Variants in LIMA1 observed in about 807,000 individuals in gnomAD.
LIMA1 encodes LIM domain and actin binding 1, also known as LIM domain and actin-binding protein 1.
LIMA1 carries 52 observed loss-of-function variants against 62.6 expected under a neutral mutation model. The ratio of observed to expected loss-of-function variants is 0.83; its 90% CI spans 0.67 to 1.05. LIMA1 has a LOEUF of 1.05. Ranked by LOEUF, LIMA1 falls within the 50% of genes least tolerant of loss-of-function variation. The pLI is 0.00. For synonymous variants in LIMA1, 302 were observed against 317.8 expected, an observed-to-expected ratio of 0.95 and a Z score of 0.53; for missense variants, 780 against 902.2, an observed-to-expected ratio of 0.86 and a Z score of 1.74.
rs767347217 is a variant in LIMA1, at chr12:50,231,657, A to G, written c.165+8T>C. 1.6e-5 allele frequency: 26 copies of G among 1,613,680 alleles called. No individual in the cohort carries two copies. The highest frequency in any genetic ancestry group is 2.2e-5 in the East Asian group (1 of 44,898). On this transcript the variant is annotated splice_region_variant and intron_variant, in intron 3 of 10. Coordinates refer to ENST00000341247, the MANE Select transcript of LIMA1 (RefSeq NM_016357.5). ...GTGCCACATGCCCTGGAATTTCTGA[A>G]TACTTACACTTCTCTTCTTCTCCAT...
chr12:50,204,533 A>C lies in LIMA1; in HGVS notation c.864+19T>G. The C allele has an allele frequency of 6.2e-7, 1 of 1,600,662 alleles. No individual in the cohort carries two copies. Among genetic ancestry groups the C allele is most frequent in the Non-Finnish European group, 8.5e-7 (1 of 1,170,714 alleles). ...GGATGATGGAATGAATGAATGAATGAATGATGCAGAACACATACTGTATAG... is the reference window on the plus strand; with the variant it reads ...GGATGATGGAATGAATGAATGAATGCATGATGCAGAACACATACTGTATAG... On this transcript the variant is annotated intron_variant, in intron 6 of 10. Coordinates refer to ENST00000341247, the MANE Select transcript of LIMA1 (RefSeq NM_016357.5).
At chr12:50,192,112 G>A (rs1269249952) in intron 9 of LIMA1, among the ~76,000 whole-genome samples, 3 of 150,690 alleles carry the variant, frequency 2.0e-5, no homozygotes, top group African/African-American at 7.3e-5. Context: ...CTCCAGCCTG[G>A]GTGACAGAGC....
intron 10 of LIMA1, among the ~76,000 whole-genome samples, chr12:50,179,361 C>G (rs558946427): frequency 6.6e-6 from 1 of 151,872 alleles, no homozygotes; most frequent in South Asian, 2.1e-4. Flanking sequence ...AGGATAGTCT[C>G]GATCTCTTGA....
intron 1 of LIMA1, chr12:50,249,841 G>GA (rs1245423366): frequency 6.6e-6 from 1 of 152,152 alleles, no homozygotes; most frequent in East Asian, 1.9e-4. Context: ...AGAAGTAAAA[G>GA]AAAAATAAAG....
At chr12:50,271,867 C>A (rs1366907120) in intron 1 of LIMA1, among the ~76,000 whole-genome samples, 1 of 152,130 alleles carries the variant, frequency 6.6e-6, no homozygotes, top group Non-Finnish European at 1.5e-5. Flanking sequence ...AAAGGCCCAC[C>A]TACATAACTG....
At chr12:50,182,223 T>C (rs1050326212) in intron 9 of LIMA1, 186 bp from the exon 10 acceptor site, 2 of 566,074 alleles carry the variant, frequency 3.5e-6, no homozygotes, top group Non-Finnish European at 6.1e-6. Context: ...TGATATTCCC[T>C]TCCCAAACTG....
chr12:50,278,347 G>C (rs776188980), intron 1 of LIMA1, among the ~76,000 whole-genome samples: 2 of 152,116 alleles, frequency 1.3e-5, no homozygotes, highest in African/African-American at 4.8e-5. Flanking sequence ...GCATGAACCC[G>C]GGACGTGGAG....
At chr12:50,258,892 C>G (rs977038387) in intron 1 of LIMA1, among the ~76,000 whole-genome samples, 1 of 151,824 alleles carries the variant, frequency 6.6e-6, no homozygotes, top group Non-Finnish European at 1.5e-5. Flanking sequence ...GTGATCTGCC[C>G]ACCTCGGCCC....
At chr12:50,205,631 A>C (rs1941137091) in intron 5 of LIMA1, among the ~76,000 whole-genome samples, 1 of 151,994 alleles carries the variant, frequency 6.6e-6, no homozygotes, top group African/African-American at 2.4e-5. Flanking sequence ...AGATGACTGG[A>C]GGCAAAACTG....
chr12:50,195,894 A>C lies in LIMA1; in HGVS notation c.973-7T>G, dbSNP rs1940919989. 2.2e-6 allele frequency: 3 copies of C among 1,395,072 alleles called. No homozygotes were observed. Among genetic ancestry groups the C allele is most frequent in the African/African-American group, 1.7e-5 (1 of 60,280 alleles). The allele number at this position is 1,395,072 out of a possible 1,614,324, so 86.4% of individuals were successfully genotyped here. A position where few individuals can be genotyped will look rare whatever the true frequency, so the allele number is the denominator to read the frequency against. On this transcript the variant is annotated splice_polypyrimidine_tract_variant and splice_region_variant and intron_variant, in intron 7 of 10. Transcript: ENST00000341247. ...TATTCTCATTTGCAGAAATCTACAA[A>C]AAAAAAAAAAAAAAAAAAGTTAGAG...
intron 10 of LIMA1, among the ~76,000 whole-genome samples, chr12:50,178,976 TCTTTTTC>T (rs1940424783): frequency 1.4e-5 from 2 of 144,462 alleles, no homozygotes; most frequent in African/African-American, 5.0e-5. Context: ...ATTTTTTTTT[TCTTTTTC>T]TTTTCTTTTT....
At position 50,251,760 on chromosome 12, in the gene LIMA1, T is replaced by A. The variant is rs140089286; in HGVS notation, c.-23-2986A>T. Among the ~76,000 whole-genome samples the A allele has an allele frequency of 3.3e-5, 5 of 152,208 alleles. No individual in the cohort carries two copies. In the East Asian group the frequency reaches 9.7e-4, roughly 29 times the overall value. On this transcript the variant is annotated intron_variant, in intron 1 of 10. Transcript: ENST00000341247. ...GTTTTGATTACTCCCAGCCAGAAAG[T>A]TAAGAAAAGTCAGAACATCTATTTT...
intron 1 of LIMA1, 106 bp from the exon 2 acceptor site, chr12:50,248,880 C>T: frequency 1.5e-6 from 1 of 668,606 alleles, no homozygotes; most frequent in Non-Finnish European, 2.7e-6. Context: ...CCACACTCCT[C>T]CACTGTTCTC....
chr12:50,263,136 CT>C (rs1013365245), intron 1 of LIMA1, among the ~76,000 whole-genome samples: 216 of 152,146 alleles, frequency 1.4e-3, no homozygotes, highest in African/African-American at 4.7e-3. Flanking sequence ...TATTCTCATT[CT>C]TTTTTTTCCT....
chr12:50,177,202 G>A lies in LIMA1; in HGVS notation c.2142C>T (p.Thr714=). ...TCTGAGTAGTGAATTCTTCAGCAAA[G>A]GTGTTGTCTACAAAACTCGACCAAT... ...SLNWSSFVDN[T]FAEEFTTQNQ... Residue 714 remains threonine, a synonymous_variant, in exon 11 of 11, where the codon ACC becomes ACT. Coordinates refer to ENST00000341247, the MANE Select transcript of LIMA1 (RefSeq NM_016357.5). 6.2e-7 allele frequency: 1 copy of A among 1,614,096 alleles called. No homozygotes were observed. Among genetic ancestry groups the A allele is most frequent in the Non-Finnish European group, 8.5e-7 (1 of 1,180,014 alleles).
At chr12:50,253,446 A>G (rs1941955090) in intron 1 of LIMA1, among the ~76,000 whole-genome samples, 1 of 152,206 alleles carries the variant, frequency 6.6e-6, no homozygotes, top group Admixed American at 6.5e-5. Flanking sequence ...TCAAACGCAT[A>G]TTCTGTTTGA....
chr12:50,247,255 C>G (rs1004190732), intron 2 of LIMA1, among the ~76,000 whole-genome samples: 1 of 152,132 alleles, frequency 6.6e-6, no homozygotes, highest in Non-Finnish European at 1.5e-5. Context: ...TAGTGACTCA[C>G]TTCTAATGAA....
intron 6 of LIMA1, chr12:50,204,351 C>G (rs956193038): frequency 4.1e-6 from 2 of 492,230 alleles, no homozygotes; most frequent in African/African-American, 3.9e-5. Context: ...GGGGTGGGAA[C>G]CAGGACTAAG....
At chr12:50,181,112 CAA>C (rs35433011) in intron 10 of LIMA1, among the ~76,000 whole-genome samples, 10 of 71,102 alleles carry the variant, frequency 1.4e-4, no homozygotes, top group East Asian at 9.4e-4. Flanking sequence ...ACTCTGTATC[CAA>C]AAAAAAAAAA....
Sources: gnomAD v4.1 joint callset for allele counts (sites outside exome capture counted in the v4.1 genomes callset) on GRCh38, gnomAD v4.1.1 for gene constraint, MANE v1.5 for transcripts, NCBI Gene and HGNC (gene_info 2026-07-23, HGNC 2026-07-21) for gene names.